LRRTM4: variants seen among roughly 807,000 people sequenced by gnomAD.
LRRTM4 encodes the protein leucine-rich repeat transmembrane neuronal protein 4.
A neutral mutation model predicts 47.6 loss-of-function variants in LRRTM4; 25 were observed. That is an observed-to-expected ratio of 0.53 (90% confidence interval 0.38 to 0.73). The LOEUF is 0.73. Among genes scored for constraint, LRRTM4 ranks in the 30% least tolerant of loss-of-function variants. LRRTM4 has a pLI of 0.00. For synonymous variants in LRRTM4, 311 were observed against 269.5 expected (o/e 1.15, Z -1.51); for missense variants, 638 against 713.4 (o/e 0.89, Z 1.20).
At chr2:77,267,511 A>G (rs1676079551) in intron 3 of LRRTM4, among the ~76,000 whole-genome samples, 1 of 152,190 alleles carries the variant, frequency 6.6e-6, no homozygotes, top group Non-Finnish European at 1.5e-5. Context: ...AGCAGCATTA[A>G]TACATTTATG....
In LRRTM4 at chr2:77,518,242, G is replaced by C. The variant is rs1573519583; in HGVS notation, c.1551+76C>G. On this transcript the variant is annotated intron_variant, in intron 3 of 3. Transcript: ENST00000409884. ...GTCATTAATCTTTCTAGTGATTAGAGACACCTCTAGGGCTTCAAACATTTA... is the reference window on the plus strand; with the variant it reads ...GTCATTAATCTTTCTAGTGATTAGACACACCTCTAGGGCTTCAAACATTTA... 3.2e-5 allele frequency: 46 copies of C among 1,427,166 alleles called. No individual in the cohort carries two copies. The East Asian group carries it at 1.1e-3, about 35-fold the overall frequency. The allele number at this position is 1,427,166 out of a possible 1,614,324, so 88.4% of individuals were successfully genotyped here. A position where few individuals can be genotyped will look rare whatever the true frequency, so the allele number is the denominator to read the frequency against.
At chr2:77,239,476 A>G (rs890352690) in intron 3 of LRRTM4, among the ~76,000 whole-genome samples, 1 of 151,962 alleles carries the variant, frequency 6.6e-6, no homozygotes, top group African/African-American at 2.4e-5. Flanking sequence ...AAACACTACA[A>G]TTAAGAAAGA....
Position 77,343,754 on chromosome 2 carries a change from A to G in LRRTM4, c.1551+174564T>C, listed in dbSNP as rs190246573. 3.3e-3 allele frequency among the ~76,000 whole-genome samples: 501 copies of G among 152,046 alleles called. 2 individuals carry two copies. The highest frequency in any genetic ancestry group is 4.0e-3 in the Non-Finnish European group (272 of 67,880). ...TATATTAACAGTGGTGATATATAATAATCAAGACAAAACCTTTGTAGTTTG... is the reference window on the plus strand; with the variant it reads ...TATATTAACAGTGGTGATATATAATGATCAAGACAAAACCTTTGTAGTTTG... On this transcript the variant is annotated intron_variant, in intron 3 of 3. Transcript: ENST00000409884.
chr2:76,812,799 C>A lies in LRRTM4; in HGVS notation c.1552-63883G>T, dbSNP rs961359823. Among the ~76,000 whole-genome samples, 276 of 91,774 alleles carry A rather than the reference C, an allele frequency of 3.0e-3. 4 individuals are homozygous for A. The highest frequency in any genetic ancestry group is 0.014 in the African/African-American group (260 of 18,682). 60.2% of individuals were successfully genotyped at this position (91,774 alleles called of 152,430 possible). A position where few individuals can be genotyped will look rare whatever the true frequency, so the allele number is the denominator to read the frequency against. The stretch of plus-strand genomic sequence containing the variant: ...CCCCCTCCTCCTCTCCCTCCCCCCC[C>A]TCCTCCTCCTTATTCTTCCTCTTGC... On this transcript the variant is annotated intron_variant, in intron 3 of 3. Coordinates refer to ENST00000409884, the MANE Select transcript of LRRTM4 (RefSeq NM_001134745.3).
rs561830870 is a variant in LRRTM4 at position 76,955,653 on chromosome 2, A to C, written c.1552-206737T>G. The stretch of plus-strand genomic sequence containing the variant: ...GTAGAGGTGGGGCCTTTGGAGTGTA[A>C]TTAGGTCATGAGGGTGGAGCTCTCT... On this transcript the variant is annotated intron_variant, in intron 3 of 3. Transcript: ENST00000409884. Among the ~76,000 whole-genome samples the C allele has an allele frequency of 4.6e-5, 7 of 151,802 alleles. No homozygotes were observed. The South Asian group carries it at 1.2e-3, about 27-fold the overall frequency.
intron 3 of LRRTM4, among the ~76,000 whole-genome samples, chr2:77,397,290 T>C (rs1318179662): frequency 6.6e-6 from 1 of 151,896 alleles, no homozygotes; most frequent in Non-Finnish European, 1.5e-5. Flanking sequence ...ATAGCCATTA[T>C]ATTTTCAGGC....
intron 3 of LRRTM4, among the ~76,000 whole-genome samples, chr2:76,789,165 G>A (rs903216003): frequency 6.6e-6 from 1 of 152,174 alleles, no homozygotes; most frequent in East Asian, 1.9e-4. Context: ...GCACTCTCAA[G>A]TGGGGTTGCC....
chr2:77,030,848 CT>C (rs1215157709), intron 3 of LRRTM4, among the ~76,000 whole-genome samples: 4 of 152,158 alleles, frequency 2.6e-5, no homozygotes, highest in Non-Finnish European at 4.4e-5. Flanking sequence ...ACATGCATTT[CT>C]TTTGGCAATA....
chr2:77,373,325 A>G (rs1339259377), intron 3 of LRRTM4, among the ~76,000 whole-genome samples: 1 of 151,442 alleles, frequency 6.6e-6, no homozygotes, highest in East Asian at 1.9e-4. Context: ...GAAAACTTAA[A>G]TATGTTTTCT....
chr2:77,105,053 T>G (rs999524910), intron 3 of LRRTM4, among the ~76,000 whole-genome samples: 1 of 127,476 alleles, frequency 7.8e-6, no homozygotes, highest in African/African-American at 3.1e-5. Context: ...AAAATGAAAA[T>G]AAAAGAAAAA....
At chr2:77,200,182 A>G (rs973275337) in intron 3 of LRRTM4, among the ~76,000 whole-genome samples, 1 of 152,138 alleles carries the variant, frequency 6.6e-6, no homozygotes, top group Non-Finnish European at 1.5e-5. Context: ...ATGGTCCCTG[A>G]AATATTCTTT....
chr2:77,383,032 CATGTT>C lies in LRRTM4; in HGVS notation c.1551+135281_1551+135285del, dbSNP rs531046297. Reference sequence around the variant, plus strand: ...AATTGCAAAAATTCCCCCAGTTTCTCATGTTATTGCTAACATATACAGAGGATAGG... The same window carrying C: ...AATTGCAAAAATTCCCCCAGTTTCTCATTGCTAACATATACAGAGGATAGG... On this transcript the variant is annotated intron_variant, in intron 3 of 3. Coordinates refer to ENST00000409884, the MANE Select transcript of LRRTM4 (RefSeq NM_001134745.3). 4.3e-4 allele frequency among the ~76,000 whole-genome samples: 65 copies of C among 152,072 alleles called. No homozygotes were observed. In the East Asian group the frequency reaches 0.012, roughly 29 times the overall value.
chr2:77,079,402 G>T (rs1490077708), intron 3 of LRRTM4, among the ~76,000 whole-genome samples: 4 of 152,150 alleles, frequency 2.6e-5, no homozygotes, highest in African/African-American at 4.8e-5. Flanking sequence ...GTGGATGCTT[G>T]TATCATACAA....
At chr2:76,967,202 T>C (rs1676056445) in intron 3 of LRRTM4, among the ~76,000 whole-genome samples, 1 of 150,372 alleles carries the variant, frequency 6.7e-6, no homozygotes, top group Non-Finnish European at 1.5e-5. Context: ...ACCATTTACC[T>C]ATTCAACTAA....
intron 3 of LRRTM4, among the ~76,000 whole-genome samples, chr2:76,975,325 C>G (rs1676381682): frequency 6.6e-6 from 1 of 151,768 alleles, no homozygotes; most frequent in Non-Finnish European, 1.5e-5. Context: ...GATTCAGCTT[C>G]ACTTGCTCAC....
chr2:77,008,937 A>G (rs1395761384), intron 3 of LRRTM4: 2 of 109,784 alleles, frequency 1.8e-5, no homozygotes, highest in African/African-American at 9.2e-5. Context: ...GGAGCCAACA[A>G]GAAAAAAAAG....
At position 76,773,487 on chromosome 2, in the gene LRRTM4, A is replaced by G. The variant is rs868813224; in HGVS notation, c.1552-24571T>C. On this transcript the variant is annotated intron_variant, in intron 3 of 3. Transcript: ENST00000409884. ...GTATATTATGCAGTATATATGTGAA[A>G]AAGTAAAATCACACATTTTTCATTA... 2.0e-5 allele frequency among the ~76,000 whole-genome samples: 3 copies of G among 152,234 alleles called. No individual in the cohort carries two copies. The South Asian group carries it at 6.2e-4, about 31-fold the overall frequency.
intron 3 of LRRTM4, among the ~76,000 whole-genome samples, chr2:77,179,871 A>G (rs1319100710): frequency 6.6e-6 from 1 of 152,158 alleles, no homozygotes; most frequent in Non-Finnish European, 1.5e-5. Flanking sequence ...TTAGAAAAAC[A>G]AAAGTAAAAA....
Position 76,796,188 on chromosome 2 carries a change from T to G in LRRTM4, c.1552-47272A>C. On this transcript the variant is annotated intron_variant, in intron 3 of 3. Coordinates refer to ENST00000409884, the MANE Select transcript of LRRTM4 (RefSeq NM_001134745.3). Reference sequence around the variant, plus strand: ...CCTACGCCCACAGAGCCTCGCTGATTGCTAGCACAGCAGTCTGAGATCAAA... The same window carrying G: ...CCTACGCCCACAGAGCCTCGCTGATGGCTAGCACAGCAGTCTGAGATCAAA... Among the ~76,000 whole-genome samples the G allele has an allele frequency of 1.4e-5, 2 of 142,840 alleles. 1 individual carries two copies. Among genetic ancestry groups the G allele is most frequent in the Non-Finnish European group, 3.1e-5 (2 of 64,298 alleles). The allele number at this position is 142,840 out of a possible 152,430, so 93.7% of individuals were successfully genotyped here.
Sources: gnomAD v4.1 joint callset for allele counts (sites outside exome capture counted in the v4.1 genomes callset) on GRCh38, gnomAD v4.1.1 for gene constraint, MANE v1.5 for transcripts, NCBI Gene and HGNC (gene_info 2026-07-23, HGNC 2026-07-21) for gene names.